The following NTN1 variants were observed in gnomAD, a reference collection of about 807,000 sequenced individuals.
NTN1 encodes netrin 1, also known as netrin-1.
NTN1 carries 11 observed loss-of-function variants against 54.2 expected under a neutral mutation model. The ratio of observed to expected loss-of-function variants is 0.20; its 90% CI spans 0.13 to 0.34. The LOEUF is 0.34. NTN1 is among the 10% of genes least tolerant of loss of function. NTN1 has a pLI of 1.00. For missense variants in NTN1, 740 were observed against 893.1 expected, an observed-to-expected ratio of 0.83 and a Z score of 2.18; for synonymous variants, 371 against 382.0, an observed-to-expected ratio of 0.97 and a Z score of 0.33.
intron 2 of NTN1, among the ~76,000 whole-genome samples, chr17:9,034,280 G>A (rs572623380): frequency 6.6e-6 from 1 of 152,174 alleles, no homozygotes; most frequent in Admixed American, 6.5e-5. Context: ...CAGAGGTAGG[G>A]TTCTGATCCT....
At chr17:9,059,460 C>A (rs1159379908) in intron 2 of NTN1, among the ~76,000 whole-genome samples, 1 of 152,166 alleles carries the variant, frequency 6.6e-6, no homozygotes, top group African/African-American at 2.4e-5. Flanking sequence ...TATGGTCTAT[C>A]CACCCTACGT....
At chr17:9,088,893 C>T (rs561581596) in intron 2 of NTN1, among the ~76,000 whole-genome samples, 1 of 152,120 alleles carries the variant, frequency 6.6e-6, no homozygotes, top group African/African-American at 2.4e-5. Context: ...ACGAAACCCT[C>T]GCACCTGTTC....
At chr17:9,199,130 T>TTTTC (rs757290784) in intron 5 of NTN1, among the ~76,000 whole-genome samples, 32 of 152,210 alleles carry the variant, frequency 2.1e-4, no homozygotes, top group Non-Finnish European at 3.8e-4. Context: ...AGCTATTTCT[T>TTTTC]TTTCTTTCTT....
intron 2 of NTN1, among the ~76,000 whole-genome samples, chr17:9,036,178 C>T (rs905526671): frequency 1.3e-5 from 2 of 151,884 alleles, no homozygotes; most frequent in Admixed American, 6.6e-5. Flanking sequence ...CTTTAATAGA[C>T]AGTGGTTAAA....
chr17:9,099,247 CA>C (rs1449306982), intron 2 of NTN1, among the ~76,000 whole-genome samples: 1 of 152,058 alleles, frequency 6.6e-6, no homozygotes, highest in African/African-American at 2.4e-5. Flanking sequence ...CTACTAAATA[CA>C]AAAAAAGTTA....
Position 9,165,520 on chromosome 17 carries a change from T to G in NTN1, c.1207+2519T>G, listed in dbSNP as rs1272242015. 1.3e-5 allele frequency among the ~76,000 whole-genome samples: 2 copies of G among 152,212 alleles called. No individual in the cohort carries two copies. Among genetic ancestry groups the G allele is most frequent in the Admixed American group, 6.5e-5 (1 of 15,282 alleles). ...GTGGCTGTGTTTTCCTTCCCAGCCA[T>G]GGACAGCAGCTGCCCCGGCCTTGGT... is the stretch of plus-strand genomic sequence containing the variant. On this transcript the variant is annotated intron_variant, in intron 3 of 6. Coordinates refer to ENST00000173229, the MANE Select transcript of NTN1 (RefSeq NM_004822.3). The surrounding 1 kb of genome is among the most constrained non-coding windows in gnomAD (Gnocchi z 4.5).
chr17:9,180,797 ACCAGGGTCCAAG>A (rs2092416771), intron 4 of NTN1, among the ~76,000 whole-genome samples: 1 of 152,108 alleles, frequency 6.6e-6, no homozygotes. Flanking sequence ...ATAGCAAATG[ACCAGGGTCCAAG>A]CCTTGGTAGA....
intron 2 of NTN1, among the ~76,000 whole-genome samples, chr17:9,115,037 G>T (rs1376138821): frequency 6.6e-6 from 1 of 151,910 alleles, no homozygotes; most frequent in Non-Finnish European, 1.5e-5. Flanking sequence ...AGGCTTGGAA[G>T]ATGGGGCAGG....
At chr17:9,103,264 C>G (rs1001236434) in intron 2 of NTN1, among the ~76,000 whole-genome samples, 1 of 152,176 alleles carries the variant, frequency 6.6e-6, no homozygotes, top group Non-Finnish European at 1.5e-5. Flanking sequence ...GTAGAAACAA[C>G]CTAAATGTCC....
intron 2 of NTN1, among the ~76,000 whole-genome samples, chr17:9,027,924 C>T (rs2091876518): frequency 6.6e-6 from 1 of 151,968 alleles, no homozygotes; most frequent in Non-Finnish European, 1.5e-5. Flanking sequence ...GAAGGCCTTC[C>T]TCCAGCCTGG....
chr17:9,228,899 TG>T (rs1465948641), intron 6 of NTN1, among the ~76,000 whole-genome samples: 1 of 46,232 alleles, frequency 2.2e-5, no homozygotes, highest in African/African-American at 1.1e-4. Context: ...TGTGTGATTG[TG>T]TTCGTGACTG....
At chr17:9,190,266 G>C (rs1904416901) in intron 5 of NTN1, among the ~76,000 whole-genome samples, 1 of 152,156 alleles carries the variant, frequency 6.6e-6, no homozygotes, top group Admixed American at 6.5e-5. Flanking sequence ...CAGAAGAAAA[G>C]GAGGGTCTTG....
intron 5 of NTN1, among the ~76,000 whole-genome samples, chr17:9,217,954 A>G (rs1008940411): frequency 2.0e-5 from 3 of 150,872 alleles, no homozygotes; most frequent in African/African-American, 7.3e-5. Context: ...CCCTGTGAGC[A>G]CTCTCCAGTT....
rs180991008 is a variant in NTN1 at position 9,127,086 on chromosome 17, C to G, written c.1019-35727C>G. ...GTGGTAGGGCCGGGGGGGGGCAGGA[C>G]AGGGAGTTAGGATTTTATTCCAGGT... On this transcript the variant is annotated intron_variant, in intron 2 of 6. Coordinates refer to ENST00000173229, the MANE Select transcript of NTN1 (RefSeq NM_004822.3). Among the ~76,000 whole-genome samples the G allele has an allele frequency of 7.6e-3, 1,081 of 141,998 alleles. 10 individuals are homozygous for G. Among genetic ancestry groups the G allele is most frequent in the Non-Finnish European group, 0.011 (709 of 65,006 alleles). The allele number at this position is 141,998 out of a possible 152,430, so 93.2% of individuals were successfully genotyped here.
At chr17:9,233,578 GGGGA>G (rs1004113612) in intron 6 of NTN1, among the ~76,000 whole-genome samples, 1 of 152,022 alleles carries the variant, frequency 6.6e-6, no homozygotes, top group Non-Finnish European at 1.5e-5. Flanking sequence ...GACTGGAACT[GGGGA>G]GGGAGGGAGG....
intron 2 of NTN1, among the ~76,000 whole-genome samples, chr17:9,088,121 A>G (rs2092095456): frequency 6.6e-6 from 1 of 152,166 alleles, no homozygotes; most frequent in Admixed American, 6.5e-5. Context: ...CCAAGCTGGC[A>G]TTGCTGGTGC....
intron 1 of NTN1, 142 bp from the exon 2 acceptor site, chr17:9,022,169 C>T (rs1228108794): frequency 7.6e-6 from 4 of 527,144 alleles, no homozygotes; most frequent in East Asian, 7.5e-5. Context: ...GCCCGCGGGA[C>T]TTTGGGGGAG....
rs1216810770 is a variant in NTN1 at position 9,206,433 on chromosome 17, C to T, written c.1412-14735C>T. ...GTGCAGCCCCCAACCTCTCCCAGCC[C>T]GGCCACCCCACCCCTGAGCCAGGCT... On this transcript the variant is annotated intron_variant, in intron 5 of 6. Coordinates refer to ENST00000173229, the MANE Select transcript of NTN1 (RefSeq NM_004822.3). Among the ~76,000 whole-genome samples, 10 of 152,306 alleles carry T rather than the reference C, an allele frequency of 6.6e-5. 1 individual carries two copies. The highest frequency in any genetic ancestry group is 1.7e-4 in the African/African-American group (7 of 41,580).
chr17:9,048,717 C>T (rs921502738), intron 2 of NTN1, among the ~76,000 whole-genome samples: 7 of 151,596 alleles, frequency 4.6e-5, no homozygotes, highest in Admixed American at 6.6e-5. Flanking sequence ...AGTGCAGTGG[C>T]GCAATCTTGG....
Sources: gnomAD v4.1 joint callset for allele counts (sites outside exome capture counted in the v4.1 genomes callset) on GRCh38, gnomAD v4.1.1 for gene constraint, Gnocchi (gnomAD v3.1) non-coding constraint, MANE v1.5 for transcripts, NCBI Gene and HGNC (gene_info 2026-07-23, HGNC 2026-07-21) for gene names.